Variants in LRRC7 observed in about 807,000 individuals in gnomAD.
The protein encoded by LRRC7 is leucine-rich repeat-containing protein 7.
LRRC7 carries 23 observed loss-of-function variants against 175.7 expected under a neutral mutation model. The observed-to-expected ratio is 0.13, with a 90% CI of 0.09 to 0.19. The LOEUF (loss-of-function observed/expected upper bound fraction) is 0.19. Ranked by LOEUF, LRRC7 falls within the 10% of genes least tolerant of loss-of-function variation. The pLI, the probability that LRRC7 is intolerant of heterozygous loss-of-function variation, is 1.00. For synonymous variants in LRRC7, 685 were observed against 680.9 expected, an observed-to-expected ratio of 1.01 and a Z score of -0.09; for missense variants, 1,354 against 1,904.7, an observed-to-expected ratio of 0.71 and a Z score of 5.38.
intron 1 of LRRC7, among the ~76,000 whole-genome samples, chr1:69,663,878 C>T (rs952452325): frequency 9.3e-5 from 14 of 151,296 alleles, no homozygotes; most frequent in South Asian, 2.1e-4. Context: ...CCCGCCACCG[C>T]GCCCGGCTAA....
chr1:69,742,452 TA>T (rs902564814), intron 2 of LRRC7, among the ~76,000 whole-genome samples: 6 of 129,350 alleles, frequency 4.6e-5, no homozygotes, highest in African/African-American at 1.6e-4. Context: ...TATATAATCA[TA>T]TATTTTATAT....
At chr1:69,885,010 C>T (rs200695878) in intron 7 of LRRC7, among the ~76,000 whole-genome samples, 56,182 of 141,916 alleles carry the variant, frequency 0.4, 11,924 homozygotes, top group East Asian at 0.54. Flanking sequence ...CTGCTGGATT[C>T]GGTTTGCCAG....
chr1:70,137,021 G>A lies in LRRC7; in HGVS notation c.*15134G>A, dbSNP rs1337869990. ...ATGATAGGCATGAGCCACCATCCTC[G>A]GCTCTATTGCTTTTATAATATGACC... On this transcript the variant is annotated 3_prime_UTR_variant, in exon 27 of 27. Transcript: ENST00000651989. Among the ~76,000 whole-genome samples, 2 of 151,970 alleles carry A rather than the reference G, an allele frequency of 1.3e-5. No individual in the cohort carries two copies. The highest frequency in any genetic ancestry group is 4.8e-5 in the African/African-American group (2 of 41,368).
chr1:69,729,017 G>A (rs1174909994), intron 2 of LRRC7, among the ~76,000 whole-genome samples: 1 of 152,142 alleles, frequency 6.6e-6, no homozygotes, highest in Non-Finnish European at 1.5e-5. Flanking sequence ...GCAGCAAGGG[G>A]AAGTGCTGAG....
Position 70,023,205 on chromosome 1 carries a change from G to T in LRRC7, c.1625G>T (p.Cys542Phe). 3 of 1,602,538 alleles carry T rather than the reference G, an allele frequency of 1.9e-6. No homozygotes were observed. The highest frequency in any genetic ancestry group is 2.6e-6 in the Non-Finnish European group (3 of 1,173,056). The change falls in exon 17 of 27, where the codon TGC (cysteine) becomes TTC (phenylalanine). Residue 542 changes from cysteine to phenylalanine, a missense_variant. Around this residue, in one of 4 missense-constraint regions of LRRC7, gnomAD observed 1,032 missense variants for 1,227.2 expected, o/e 0.84. Coordinates refer to ENST00000651989, the MANE Select transcript of LRRC7 (RefSeq NM_001370785.2). ...LQPARLSGDC[C>F]TPWARCDQQI... ...CCTGCCAGACTGTCTGGCGATTGCT[G>T]CACACCATGGGCCAGGTGTGATCAG...
chr1:69,646,033 G>A (rs1241299006), intron 1 of LRRC7, among the ~76,000 whole-genome samples: 4 of 151,882 alleles, frequency 2.6e-5, no homozygotes, highest in Non-Finnish European at 5.9e-5. Context: ...CTAAAATTTT[G>A]GAAGTCAAGT....
At chr1:70,048,598 C>A (rs1443678224) in intron 22 of LRRC7, among the ~76,000 whole-genome samples, 1 of 152,044 alleles carries the variant, frequency 6.6e-6, no homozygotes, top group African/African-American at 2.4e-5. Context: ...CTCACATCAT[C>A]TTCAAAATAA....
In LRRC7 at chr1:69,626,806, G is replaced by C. The variant is rs190477957; in HGVS notation, c.3-51575G>C. ...TTCTCATTGTTCAATTCCCACTTTT[G>C]AGTGAGAACATGCGGTGTTTTGTTT... On this transcript the variant is annotated intron_variant, in intron 1 of 26. Transcript: ENST00000651989. Among the ~76,000 whole-genome samples the C allele has an allele frequency of 1.2e-4, 17 of 145,178 alleles. No individual in the cohort carries two copies. The East Asian group carries it at 3.3e-3, about 28-fold the overall frequency.
At chr1:69,825,340 T>A (rs1223677075) in intron 4 of LRRC7, among the ~76,000 whole-genome samples, 1 of 152,186 alleles carries the variant, frequency 6.6e-6, no homozygotes, top group Non-Finnish European at 1.5e-5. Flanking sequence ...ATAAAATGAT[T>A]ATTGGAAGTA....
intron 1 of LRRC7, among the ~76,000 whole-genome samples, chr1:69,640,258 T>A (rs891209641): frequency 9.9e-5 from 15 of 151,934 alleles, no homozygotes; most frequent in African/African-American, 3.6e-4. Flanking sequence ...TCTCTCAGAA[T>A]GTTATAATGG....
chr1:69,706,917 A>G (rs944401612), intron 2 of LRRC7, among the ~76,000 whole-genome samples: 3 of 152,218 alleles, frequency 2.0e-5, no homozygotes, highest in Non-Finnish European at 4.4e-5. Flanking sequence ...TTGATGAATA[A>G]AATAAATTCG....
rs149400442 is a variant in LRRC7, at chr1:70,100,074, A to G, written c.4546-7678A>G. 3.2e-3 allele frequency among the ~76,000 whole-genome samples: 486 copies of G among 152,300 alleles called. 3 individuals are homozygous for G. The highest frequency in any genetic ancestry group is 0.011 in the African/African-American group (451 of 41,570). Reference sequence around the variant, plus strand: ...AACAGGATGCAATGCACTGTCAGTCACAATAGACAGACATCCCAGACATGT... The same window carrying G: ...AACAGGATGCAATGCACTGTCAGTCGCAATAGACAGACATCCCAGACATGT... On this transcript the variant is annotated intron_variant, in intron 25 of 26. Transcript: ENST00000651989.
chr1:69,958,259 G>A (rs973696376), intron 8 of LRRC7, among the ~76,000 whole-genome samples: 2 of 151,844 alleles, frequency 1.3e-5, no homozygotes, highest in African/African-American at 4.8e-5. Context: ...TTTATTGGCT[G>A]ACTTTACTAG....
rs5007630 is a variant in LRRC7 at position 69,718,109 on chromosome 1, A to G, written c.100+39631A>G. ...GAAAAAGAAAGAGAAGAAAGAGAGA[A>G]AAAGAAAGAAAGAAAGAAAAGAAAG... On this transcript the variant is annotated intron_variant, in intron 2 of 26. Transcript: ENST00000651989. 5.2e-3 allele frequency among the ~76,000 whole-genome samples: 124 copies of G among 23,656 alleles called. 1 individual carries two copies. The highest frequency in any genetic ancestry group is 0.019 in the African/African-American group (59 of 3,046). The allele number at this position is 23,656 out of a possible 152,430, so 15.5% of individuals were successfully genotyped here.
chr1:69,796,794 CA>C (rs1170341536), intron 4 of LRRC7, among the ~76,000 whole-genome samples: 23 of 141,718 alleles, frequency 1.6e-4, no homozygotes, highest in Non-Finnish European at 2.3e-4. Flanking sequence ...AACTCCATCT[CA>C]AAAAAAAAAC....
intron 2 of LRRC7, among the ~76,000 whole-genome samples, chr1:69,694,847 G>T (rs1662364360): frequency 6.6e-6 from 1 of 151,872 alleles, no homozygotes; most frequent in African/African-American, 2.4e-5. Context: ...AGCAGATGCT[G>T]GCACCATGCT....
chr1:69,934,149 T>A (rs1427195811), intron 8 of LRRC7, among the ~76,000 whole-genome samples: 1 of 152,084 alleles, frequency 6.6e-6, no homozygotes, highest in Non-Finnish European at 1.5e-5. Context: ...AGAAACAATG[T>A]CATGTGGAGG....
At chr1:69,943,949 AACACACACACACAC>A (rs55900412) in intron 8 of LRRC7, among the ~76,000 whole-genome samples, 51,231 of 145,410 alleles carry the variant, frequency 0.35, 10,795 homozygotes, top group East Asian at 0.59. Context: ...TATCATGGTA[AACACACACACACAC>A]ACACACACAC....
intron 10 of LRRC7, among the ~76,000 whole-genome samples, chr1:69,990,841 T>C (rs1342623823): frequency 2.0e-5 from 3 of 152,114 alleles, no homozygotes; most frequent in African/African-American, 7.2e-5. Flanking sequence ...ATTTAATTGA[T>C]TACACTTATT....
Sources: gnomAD v4.1 joint callset for allele counts (sites outside exome capture counted in the v4.1 genomes callset) on GRCh38, gnomAD v4.1.1 for gene constraint, gnomAD v4.1.1 regional missense constraint, MANE v1.5 for transcripts, NCBI Gene and HGNC (gene_info 2026-07-23, HGNC 2026-07-21) for gene names.